The following PCDH15 variants were observed in gnomAD, a reference collection of about 807,000 sequenced individuals.
PCDH15 encodes protocadherin related 15, also known as protocadherin-15.
In PCDH15, 129 loss-of-function variants were observed where a neutral mutation model predicts 178.5. The ratio of observed to expected loss-of-function variants is 0.72; its 90% CI spans 0.63 to 0.84. The LOEUF (loss-of-function observed/expected upper bound fraction) is 0.84, where lower values mean the gene tolerates loss of function less well. Among genes scored for constraint, PCDH15 ranks in the 40% least tolerant of loss-of-function variants. The pLI, the probability that PCDH15 is intolerant of heterozygous loss-of-function variation, is 0.00. For missense variants in PCDH15, 2,230 were observed against 2,099.9 expected (o/e 1.06, Z -1.21); for synonymous variants, 800 against 732.0 (o/e 1.09, Z -1.50).
chr10:55,109,557 AT>A (rs1837445852), intron 2 of PCDH15, among the ~76,000 whole-genome samples: 1 of 152,104 alleles, frequency 6.6e-6, no homozygotes, highest in Non-Finnish European at 1.5e-5. Flanking sequence ...AAAATTGCTC[AT>A]TTTACCTCCA....
At chr10:54,130,693 T>G (rs561876976) in intron 15 of PCDH15, among the ~76,000 whole-genome samples, 92 of 152,306 alleles carry the variant, frequency 6.0e-4, no homozygotes, top group African/African-American at 2.2e-3. Flanking sequence ...ACAGATTAGT[T>G]TGAAGCCAAT....
intron 18 of PCDH15, among the ~76,000 whole-genome samples, chr10:54,049,967 G>A (rs1590119374): frequency 6.6e-6 from 1 of 152,252 alleles, no homozygotes; most frequent in East Asian, 1.9e-4. Flanking sequence ...CAGTTAGGTA[G>A]TATTTTGTTG....
At position 54,030,866 on chromosome 10, in the gene PCDH15, C is replaced by T. The variant is rs189506955; in HGVS notation, c.2221-7669G>A. 4.2e-3 allele frequency among the ~76,000 whole-genome samples: 644 copies of T among 151,992 alleles called. 5 individuals are homozygous for T. The highest frequency in any genetic ancestry group is 7.6e-3 in the Non-Finnish European group (514 of 67,962). On this transcript the variant is annotated intron_variant, in intron 18 of 37. Coordinates refer to ENST00000644397, the MANE Select transcript of PCDH15 (RefSeq NM_001384140.1). ...CTCAAGTGTCAGTGGTTTGTTACCACTGATGTTTCTTTCTCGCCTATACAG... is the reference window on the plus strand; with the variant it reads ...CTCAAGTGTCAGTGGTTTGTTACCATTGATGTTTCTTTCTCGCCTATACAG...
At chr10:54,441,139 T>C (rs1229868318) in intron 3 of PCDH15, among the ~76,000 whole-genome samples, 2 of 151,960 alleles carry the variant, frequency 1.3e-5, no homozygotes, top group Non-Finnish European at 2.9e-5. Context: ...GTTCACTCTG[T>C]CCTTTCTGAG....
intron 2 of PCDH15, among the ~76,000 whole-genome samples, chr10:55,136,181 A>G (rs1838193693): frequency 6.6e-6 from 1 of 152,146 alleles, no homozygotes; most frequent in African/African-American, 2.4e-5. Context: ...TTATTCTAGT[A>G]TGGTAAAGAT....
At chr10:54,561,903 C>T (rs961707861) in intron 2 of PCDH15, among the ~76,000 whole-genome samples, 1 of 150,258 alleles carries the variant, frequency 6.7e-6, no homozygotes, top group African/African-American at 2.5e-5. Context: ...AGGATGGTTT[C>T]GATCTCCTGA....
chr10:54,252,794 A>T (rs2056596806), intron 8 of PCDH15, among the ~76,000 whole-genome samples: 1 of 151,956 alleles, frequency 6.6e-6, no homozygotes, highest in Non-Finnish European at 1.5e-5. Context: ...TTTTAAAGTA[A>T]CATTAGACGG....
chr10:54,189,925 ATGTG>A (rs57024579), intron 11 of PCDH15, among the ~76,000 whole-genome samples: 37,136 of 141,376 alleles, frequency 0.26, 5,309 homozygotes, highest in Non-Finnish European at 0.35. Flanking sequence ...ATGCATGTGT[ATGTG>A]TGTGTGTGTG....
At chr10:54,436,053 AAG>A (rs1374977452) in intron 3 of PCDH15, among the ~76,000 whole-genome samples, 135 of 143,108 alleles carry the variant, frequency 9.4e-4, no homozygotes, top group African/African-American at 3.8e-3. Flanking sequence ...AGAGAGAGAA[AAG>A]AAAGAAAGAA....
At chr10:55,518,271 G>A (rs10825538) in intron 2 of PCDH15, among the ~76,000 whole-genome samples, 108,975 of 151,990 alleles carry the variant, frequency 0.72, 39,586 homozygotes, top group East Asian at 0.99. Context: ...AACTCTTTTT[G>A]ATATTGCAAT....
intron 2 of PCDH15, among the ~76,000 whole-genome samples, chr10:55,508,182 A>G (rs1027772985): frequency 6.6e-6 from 1 of 151,794 alleles, no homozygotes; most frequent in Non-Finnish European, 1.5e-5. Context: ...CATAAATTTT[A>G]GCATGACTTA....
At chr10:54,297,951 A>G (rs1478791180) in intron 8 of PCDH15, among the ~76,000 whole-genome samples, 1 of 152,212 alleles carries the variant, frequency 6.6e-6, no homozygotes, top group East Asian at 1.9e-4. Context: ...TGATAGAATG[A>G]CAGCTGAAGA....
intron 13 of PCDH15, among the ~76,000 whole-genome samples, chr10:54,168,599 T>A (rs1251887033): frequency 3.3e-5 from 5 of 152,184 alleles, no homozygotes; most frequent in South Asian, 2.1e-4. Flanking sequence ...AAAAGGTGGC[T>A]GGAGCCAAAG....
intron 8 of PCDH15, among the ~76,000 whole-genome samples, chr10:54,271,102 C>T (rs542785399): frequency 5.3e-5 from 8 of 152,126 alleles, no homozygotes; most frequent in Admixed American, 1.3e-4. Flanking sequence ...AACAGATAAC[C>T]GATTTTAATT....
At position 55,473,333 on chromosome 10, in the gene PCDH15, TA is replaced by T. The variant is rs1255950499; in HGVS notation, c.-156+154291del. 4.0e-3 allele frequency among the ~76,000 whole-genome samples: 576 copies of T among 143,206 alleles called. 4 individuals carry two copies. Among genetic ancestry groups the T allele is most frequent in the African/African-American group, 0.011 (447 of 39,512 alleles). The allele number at this position is 143,206 out of a possible 152,430, so 93.9% of individuals were successfully genotyped here. A position where few individuals can be genotyped will look rare whatever the true frequency, so the allele number is the denominator to read the frequency against. On this transcript the variant is annotated intron_variant, in intron 2 of 5. Transcript: ENST00000613346. ...AAGATAACAACATAAATAGGGTATA[TA>T]AAAAAAAAAAGAAAACCACCTAAAT...
rs1437414038 is a variant in PCDH15 at position 55,002,495 on chromosome 10, C to T, written c.-79-104995G>A. Among the ~76,000 whole-genome samples the T allele has an allele frequency of 1.0e-4, 9 of 88,278 alleles. No homozygotes were observed. The Admixed American group carries it at 1.1e-3, about 11-fold the overall frequency. 57.9% of individuals were successfully genotyped at this position (88,278 alleles called of 152,430 possible). On this transcript the variant is annotated intron_variant, in intron 2 of 5. Coordinates refer to the PCDH15 transcript ENST00000458638. Reference sequence around the variant, plus strand: ...TAGATGTATGCAAGGAGTAACCTTACCACATTAATACAATGTTTTGCCTAG... The same window carrying T: ...TAGATGTATGCAAGGAGTAACCTTATCACATTAATACAATGTTTTGCCTAG...
chr10:54,678,891 A>G (rs2094841252), intron 1 of PCDH15, among the ~76,000 whole-genome samples: 1 of 152,220 alleles, frequency 6.6e-6, no homozygotes, highest in Admixed American at 6.5e-5. Context: ...ATCAATGTGA[A>G]TTTAAAAACA....
In PCDH15 at chr10:55,584,370, T is replaced by C. The variant is rs1289208778; in HGVS notation, c.-156+43255A>G. Among the ~76,000 whole-genome samples, 3 of 132,528 alleles carry C rather than the reference T, an allele frequency of 2.3e-5. No individual in the cohort carries two copies. The East Asian group carries it at 6.7e-4, about 30-fold the overall frequency. The allele number at this position is 132,528 out of a possible 152,430, so 86.9% of individuals were successfully genotyped here. A position where few individuals can be genotyped will look rare whatever the true frequency, so the allele number is the denominator to read the frequency against. ...TGGAAGTTTCCTTAAAAAAAAAAAA[T>C]CAATTAGGCCAGGCACGGTGGCTTA... On this transcript the variant is annotated intron_variant, in intron 2 of 5. Coordinates refer to the PCDH15 transcript ENST00000613346.
intron 3 of PCDH15, among the ~76,000 whole-genome samples, chr10:54,414,993 G>T (rs76994075): frequency 0.056 from 8,469 of 152,150 alleles, 318 homozygotes; most frequent in Admixed American, 0.11. Flanking sequence ...AATTGATGTG[G>T]TAAAACGTGA....
Sources: allele counts gnomAD v4.1 joint callset (sites outside exome capture counted in the v4.1 genomes callset), GRCh38; gene constraint gnomAD v4.1.1; transcripts MANE v1.5; gene names NCBI Gene and HGNC (gene_info 2026-07-23, HGNC 2026-07-21).